The following LIG3 variants were observed in gnomAD, a reference collection of about 807,000 sequenced individuals.
The protein encoded by LIG3 is DNA ligase 3.
Under a neutral mutation model 110.9 loss-of-function variants are expected in LIG3, and 58 were observed. The ratio of observed to expected loss-of-function variants is 0.52; its 90% confidence interval spans 0.42 to 0.65. The LOEUF is 0.65. Among genes scored for constraint, LIG3 ranks in the 30% least tolerant of loss-of-function variants. The pLI, the probability that LIG3 is intolerant of heterozygous loss-of-function variation, is 0.00. For synonymous variants in LIG3, 422 were observed against 472.8 expected (o/e 0.89, Z 1.39); for missense variants, 1,094 against 1,273.8 (o/e 0.86, Z 2.15).
In LIG3 at chr17:35,001,379, T is replaced by G. The variant is rs752737565; in HGVS notation, c.2454T>G (p.Ser818=). The G allele has an allele frequency of 6.2e-7, 1 of 1,614,094 alleles. No individual in the cohort carries two copies. The highest frequency in any genetic ancestry group is 8.5e-7 in the Non-Finnish European group (1 of 1,180,040). The change falls in exon 17 of 20, where the codon TCT becomes TCG. Residue 818 remains serine (S), a synonymous_variant. Transcript: ENST00000378526. ...TRIRDDKDWK[S]ATNLPQLKEL... is the part of the protein sequence containing the mutation. ...TCCGAGATGATAAGGACTGGAAATC[T>G]GCCACTAACCTTCCCCAACTCAAGG...
chr17:34,997,685 C>A (rs1042084575), intron 11 of LIG3, 53 bp from the exon 12 acceptor site: 3 of 1,319,634 alleles, frequency 2.3e-6, no homozygotes, highest in African/African-American at 2.9e-5. Flanking sequence ...CTCAGAATTC[C>A]TAATAAGGGA....
At position 35,008,007 on chromosome 17, in the gene LIG3, C is replaced by T. The variant is rs2090908101; in HGVS notation, c.*3501C>T. The T allele has an allele frequency of 6.6e-6, 1 of 152,310 alleles. No individual in the cohort carries two copies. Among genetic ancestry groups the T allele is most frequent in the African/African-American group, 2.4e-5 (1 of 41,454 alleles). 9.4% of individuals were successfully genotyped at this position (152,310 alleles called of 1,614,324 possible). A position where few individuals can be genotyped will look rare whatever the true frequency, so the allele number is the denominator to read the frequency against. ...CCACGCACCTCAGCCTCCCAAAGTG[C>T]TGGGATTACAGGCGTGAGCCATGGC... is the stretch of plus-strand genomic sequence containing the variant. On this transcript the variant is annotated 3_prime_UTR_variant, in exon 20 of 20. Transcript: ENST00000378526.
At chr17:34,996,727 G>T in intron 11 of LIG3, 74 bp downstream of exon 11, 3 of 1,314,048 alleles carry the variant, frequency 2.3e-6, no homozygotes, top group Non-Finnish European at 3.3e-6. Context: ...GGAAGATGGG[G>T]GCTTCAGGTT....
At chr17:34,990,366 G>A (rs1009351545) in intron 4 of LIG3, among the ~76,000 whole-genome samples, 6 of 151,376 alleles carry the variant, frequency 4.0e-5, no homozygotes, top group African/African-American at 1.5e-4. Context: ...TGCAACCTCC[G>A]CCTCCTGGGC....
chr17:35,002,521 CAG>C, intron 18 of LIG3, 145 bp from the exon 19 acceptor site: 1 of 779,950 alleles, frequency 1.3e-6, no homozygotes, highest in Non-Finnish European at 2.0e-6. Flanking sequence ...TTTTTAGAGA[CAG>C]GGTCTCACTC....
chr17:35,009,127 A>ACTT lies in LIG3; in HGVS notation c.*4622_*4624dup, dbSNP rs2090918209. On this transcript the variant is annotated 3_prime_UTR_variant, in exon 20 of 20. Transcript: ENST00000378526. Reference sequence around the variant, plus strand: ...AGACAGGACAGGTGTCTGTATTGAAACTTTATTACAAAATTATAAAGCAGA... The same window carrying ACTT: ...AGACAGGACAGGTGTCTGTATTGAAACTTCTTTATTACAAAATTATAAAGCAGA... 1.3e-5 allele frequency: 2 copies of ACTT among 152,618 alleles called. No individual in the cohort carries two copies. The highest frequency in any genetic ancestry group is 4.8e-5 in the African/African-American group (2 of 41,438). The allele number at this position is 152,618 out of a possible 1,614,324, so 9.5% of individuals were successfully genotyped here.
At chr17:34,992,094 A>G (rs1383161008) in intron 7 of LIG3, 59 bp downstream of exon 7, 3 of 1,489,498 alleles carry the variant, frequency 2.0e-6, no homozygotes, top group African/African-American at 1.4e-5. Flanking sequence ...TTTGTTCCCA[A>G]CTGGTGTCAG....
At position 34,985,969 on chromosome 17, in the gene LIG3, C is replaced by G; in HGVS notation, c.548-19C>G. ...ATCGTTCACTGAAGGATATTTTATA[C>G]TCTTTTGGGATCCTACAGATCTGTC... On this transcript the variant is annotated intron_variant, in intron 2 of 19. Coordinates refer to ENST00000378526, the MANE Select transcript of LIG3 (RefSeq NM_013975.4). The G allele has an allele frequency of 1.2e-6, 2 of 1,608,384 alleles. No homozygotes were observed. Among genetic ancestry groups the G allele is most frequent in the South Asian group, 1.1e-5 (1 of 90,468 alleles).
At chr17:34,988,812 A>C (rs1476483178) in intron 3 of LIG3, among the ~76,000 whole-genome samples, 3 of 152,178 alleles carry the variant, frequency 2.0e-5, no homozygotes, top group Non-Finnish European at 4.4e-5. Flanking sequence ...GTGGGCCAGG[A>C]AGTCATTTGC....
intron 8 of LIG3, among the ~76,000 whole-genome samples, chr17:34,993,245 C>T (rs1247229836): frequency 6.6e-6 from 1 of 152,102 alleles, no homozygotes; most frequent in African/African-American, 2.4e-5. Context: ...GTTGGTTTTC[C>T]TGTGTGACAG....
chr17:34,980,726 C>A, intron 1 of LIG3, 104 bp downstream of exon 1: 1 of 611,538 alleles, frequency 1.6e-6, no homozygotes, highest in Non-Finnish European at 2.1e-6. Context: ...AGCCCCCCGG[C>A]TCCTCCCCCG....
chr17:34,984,773 T>G (rs1386345135), intron 2 of LIG3, among the ~76,000 whole-genome samples: 1 of 151,356 alleles, frequency 6.6e-6, no homozygotes, highest in Non-Finnish European at 1.5e-5. Flanking sequence ...ATGGGGTATC[T>G]GTTTCTTCTT....
intron 4 of LIG3, 159 bp downstream of exon 4, chr17:34,989,822 G>T: frequency 1.5e-6 from 1 of 678,386 alleles, no homozygotes; most frequent in South Asian, 1.9e-5. Flanking sequence ...TTGAACAAGG[G>T]GCCTCGCATT....
At position 35,005,578 on chromosome 17, in the gene LIG3, G is replaced by T; in HGVS notation, c.*1072G>T. ...TGCATCCAGCTTCCTGTTTACAATG[G>T]GAGGTTTAGGTTTCATAATGCTGGA... is the stretch of plus-strand genomic sequence containing the variant. On this transcript the variant is annotated 3_prime_UTR_variant, in exon 20 of 20. Coordinates refer to ENST00000378526, the MANE Select transcript of LIG3 (RefSeq NM_013975.4). The T allele has an allele frequency of 1.7e-6, 1 of 579,192 alleles. No individual in the cohort carries two copies. The highest frequency in any genetic ancestry group is 3.5e-6 in the Non-Finnish European group (1 of 288,402). The allele number at this position is 579,192 out of a possible 1,614,324, so 35.9% of individuals were successfully genotyped here.
chr17:34,982,844 T>G (rs974229332), intron 1 of LIG3, among the ~76,000 whole-genome samples, 158 bp from the exon 2 acceptor site: 2 of 152,184 alleles, frequency 1.3e-5, no homozygotes, highest in Non-Finnish European at 2.9e-5. Context: ...GTATCAGAAC[T>G]CTTTCATGCT....
intron 8 of LIG3, 24 bp downstream of exon 8, chr17:34,992,716 G>A (rs1424939899): frequency 1.3e-6 from 2 of 1,541,460 alleles, no homozygotes; most frequent in South Asian, 1.3e-5. Context: ...CCCTGCCTCT[G>A]CTTTCCAGCC....
Position 34,997,493 on chromosome 17 carries a change from T to A in LIG3, c.1824-245T>A, listed in dbSNP as rs548362689. On this transcript the variant is annotated intron_variant, in intron 11 of 19. Coordinates refer to ENST00000378526, the MANE Select transcript of LIG3 (RefSeq NM_013975.4). ...CAGGCCAGTTCTCCCTTGGCTCGCT[T>A]GATGAAGTAGAACTAGGAACTACAA... 1.0e-4 allele frequency: 47 copies of A among 470,784 alleles called. 1 individual carries two copies. The highest frequency in any genetic ancestry group is 1.7e-4 in the Non-Finnish European group (44 of 255,632). The allele number at this position is 470,784 out of a possible 1,614,324, so 29.2% of individuals were successfully genotyped here.
chr17:34,998,519 G>A, intron 13 of LIG3, 85 bp from the exon 14 acceptor site: 1 of 1,534,630 alleles, frequency 6.5e-7, no homozygotes, highest in Non-Finnish European at 8.9e-7. Context: ...CACTGGGCTA[G>A]ATCTGGTGTG....
rs529175702 is a variant in LIG3, at chr17:34,994,488, C to G, written c.1611+57C>G. On this transcript the variant is annotated intron_variant, in intron 9 of 19. Transcript: ENST00000378526. ...CTTTCCCCTTTCTGCCTCTAACAAC[C>G]TCAGGGCCAGAGTCCCATAGCCATT... The G allele has an allele frequency of 2.6e-6, 4 of 1,562,430 alleles. No individual in the cohort carries two copies. The South Asian group carries it at 3.5e-5, about 14-fold the overall frequency.
Sources: allele counts gnomAD v4.1 joint callset (sites outside exome capture counted in the v4.1 genomes callset), GRCh38; gene constraint gnomAD v4.1.1; transcripts MANE v1.5; gene names NCBI Gene and HGNC (gene_info 2026-07-23, HGNC 2026-07-21).